HMBOX1: variants seen among roughly 807,000 people sequenced by gnomAD.
HMBOX1 encodes homeobox-containing protein 1.
HMBOX1 carries 14 observed loss-of-function variants against 54.5 expected under a neutral mutation model. The observed-to-expected ratio is 0.26, with a 90% CI of 0.17 to 0.40. HMBOX1 has a LOEUF of 0.40. Ranked by LOEUF, HMBOX1 falls within the 10% of genes least tolerant of loss-of-function variation. The probability of loss-of-function intolerance (pLI) is 1.00; values close to 1 mark genes in which losing one functional copy is unlikely to be tolerated. For synonymous variants in HMBOX1, 160 were observed against 181.0 expected, an observed-to-expected ratio of 0.88 and a Z score of 0.93; for missense variants, 332 against 514.4, an observed-to-expected ratio of 0.65 and a Z score of 3.43.
At chr8:29,010,149 A>G (rs1834039014) in intron 5 of HMBOX1, 6 of 977,012 alleles carry the variant, frequency 6.1e-6, no homozygotes, top group Non-Finnish European at 6.1e-6. Flanking sequence ...CAACCTCTAC[A>G]ATAATATTAA....
chr8:29,004,531 G>A (rs539388100), intron 4 of HMBOX1, among the ~76,000 whole-genome samples: 10 of 152,210 alleles, frequency 6.6e-5, no homozygotes, highest in Non-Finnish European at 1.3e-4. Flanking sequence ...TGAGGAACAG[G>A]TAGCCTGATG....
At chr8:28,992,727 G>A (rs557065391) in intron 4 of HMBOX1, among the ~76,000 whole-genome samples, 1 of 151,820 alleles carries the variant, frequency 6.6e-6, no homozygotes, top group African/African-American at 2.4e-5. Context: ...AAAACTAGCC[G>A]GGTGTAGTGG....
chr8:28,905,330 C>T (rs1328545631), intron 1 of HMBOX1, among the ~76,000 whole-genome samples: 1 of 152,140 alleles, frequency 6.6e-6, no homozygotes, highest in African/African-American at 2.4e-5. Flanking sequence ...AAACCAGGCG[C>T]GCGTGCATGC....
intron 1 of HMBOX1, among the ~76,000 whole-genome samples, chr8:28,919,083 AT>A (rs530073883): frequency 7.2e-5 from 11 of 152,310 alleles, no homozygotes; most frequent in Admixed American, 5.2e-4. Flanking sequence ...CATGTCATAA[AT>A]TTTTCTCCAT....
intron 4 of HMBOX1, among the ~76,000 whole-genome samples, chr8:29,007,503 G>C (rs893750735): frequency 8.5e-5 from 13 of 152,086 alleles, no homozygotes; most frequent in Non-Finnish European, 1.9e-4. Context: ...AAAGCTGTTT[G>C]AATTTTGCCT....
intron 1 of HMBOX1, among the ~76,000 whole-genome samples, chr8:28,897,349 A>G (rs1017556332): frequency 7.2e-5 from 11 of 152,128 alleles, no homozygotes. Flanking sequence ...AAAGTTAACG[A>G]TAACATTGAA....
At chr8:28,912,459 C>T in intron 1 of HMBOX1, among the ~76,000 whole-genome samples, 1 of 152,222 alleles carries the variant, frequency 6.6e-6, no homozygotes, top group East Asian at 1.9e-4. Context: ...TGACTATTCT[C>T]AACCCCATTT....
At chr8:29,032,479 T>C (rs2133194646) in intron 6 of HMBOX1, among the ~76,000 whole-genome samples, 1 of 152,346 alleles carries the variant, frequency 6.6e-6, no homozygotes, top group Middle Eastern at 3.4e-3. Context: ...CAATTTTTTT[T>C]TCCTGCTGAT....
At chr8:29,006,232 A>G (rs1392339089) in intron 4 of HMBOX1, among the ~76,000 whole-genome samples, 2 of 151,890 alleles carry the variant, frequency 1.3e-5, no homozygotes, top group South Asian at 4.2e-4. Flanking sequence ...ACCTCAGACA[A>G]TCCACCCACC....
intron 6 of HMBOX1, 72 bp downstream of exon 6, chr8:29,018,985 A>T: frequency 7.1e-7 from 1 of 1,399,354 alleles, no homozygotes; most frequent in Admixed American, 1.9e-5. Flanking sequence ...AGACTGGGAC[A>T]GTTTTCATTT....
chr8:29,042,464 C>T (rs777106926), intron 6 of HMBOX1, among the ~76,000 whole-genome samples: 5 of 152,006 alleles, frequency 3.3e-5, no homozygotes, highest in Non-Finnish European at 5.9e-5. Flanking sequence ...AGTTTGAGGG[C>T]TTGGGGTAAG....
chr8:28,983,171 T>TTCC (rs1829673107), intron 4 of HMBOX1, among the ~76,000 whole-genome samples: 1 of 152,246 alleles, frequency 6.6e-6, no homozygotes, highest in African/African-American at 2.4e-5. Flanking sequence ...TAACTTGTTC[T>TTCC]TCCTCCTCTT....
At chr8:29,013,475 A>G (rs548642189) in intron 5 of HMBOX1, among the ~76,000 whole-genome samples, 11 of 152,278 alleles carry the variant, frequency 7.2e-5, no homozygotes, top group South Asian at 2.1e-4. Context: ...ATCCAGTTGT[A>G]TATGGCTTTT....
intron 1 of HMBOX1, among the ~76,000 whole-genome samples, chr8:28,897,632 C>T (rs1049210457): frequency 3.3e-5 from 5 of 152,114 alleles, no homozygotes; most frequent in African/African-American, 9.7e-5. Flanking sequence ...GCCAAGGTGG[C>T]GCCACTGCAC....
chr8:29,046,084 A>G (rs1805524505), intron 7 of HMBOX1, among the ~76,000 whole-genome samples: 1 of 152,240 alleles, frequency 6.6e-6, no homozygotes, highest in African/African-American at 2.4e-5. Context: ...CAGTTAACAG[A>G]TCCAGTTGAT....
At chr8:28,895,631 C>T (rs537745942) in intron 1 of HMBOX1, among the ~76,000 whole-genome samples, 3 of 151,426 alleles carry the variant, frequency 2.0e-5, no homozygotes, top group East Asian at 1.9e-4. Context: ...GCTGAGATTG[C>T]GCCGCTGCAC....
At chr8:28,902,003 C>T (rs899706215) in intron 1 of HMBOX1, among the ~76,000 whole-genome samples, 5 of 152,132 alleles carry the variant, frequency 3.3e-5, no homozygotes, top group East Asian at 1.9e-4. Context: ...GTCATTTACT[C>T]GACATATAAG....
At chr8:28,941,443 C>T (rs1821402977) in intron 1 of HMBOX1, among the ~76,000 whole-genome samples, 1 of 151,938 alleles carries the variant, frequency 6.6e-6, no homozygotes, top group African/African-American at 2.4e-5. Flanking sequence ...CAAATCTTAC[C>T]TTTACTTTTT....
chr8:28,955,708 T>C (rs1393975108), intron 1 of HMBOX1: 1 of 152,146 alleles, frequency 6.6e-6, no homozygotes, highest in Non-Finnish European at 1.5e-5. Context: ...TCCCAGCACT[T>C]TGAGAGGCCG....
Sources: gnomAD v4.1 joint callset for allele counts (sites outside exome capture counted in the v4.1 genomes callset) on GRCh38, gnomAD v4.1.1 for gene constraint, MANE v1.5 for transcripts, NCBI Gene and HGNC (gene_info 2026-07-23, HGNC 2026-07-21) for gene names.